Variants in CACNA2D1 observed in about 807,000 individuals in gnomAD.
CACNA2D1 encodes voltage-dependent calcium channel subunit alpha-2/delta-1.
In CACNA2D1, 53 loss-of-function variants were observed where a neutral mutation model predicts 171.5. The observed-to-expected ratio is 0.31, with a 90% CI of 0.25 to 0.39. The LOEUF is 0.39. Ranked by LOEUF, CACNA2D1 falls within the 10% of genes least tolerant of loss-of-function variation. CACNA2D1 has a pLI of 1.00. For synonymous variants in CACNA2D1, 442 were observed against 443.1 expected (o/e 1.00, Z 0.03); for missense variants, 903 against 1,299.8 (o/e 0.69, Z 4.69).
At chr7:82,301,628 C>G (rs539857965) in intron 3 of CACNA2D1, among the ~76,000 whole-genome samples, 1 of 151,588 alleles carries the variant, frequency 6.6e-6, no homozygotes, top group African/African-American at 2.4e-5. Context: ...AAATTTGATA[C>G]CTAATTTTCA....
chr7:82,045,159 C>A (rs1334338460), intron 10 of CACNA2D1, among the ~76,000 whole-genome samples: 1 of 152,076 alleles, frequency 6.6e-6, no homozygotes, highest in African/African-American at 2.4e-5. Context: ...TACCAAATTA[C>A]TTTCCAAAAA....
chr7:82,170,543 T>C lies in CACNA2D1; in HGVS notation c.354+7A>G. The C allele has an allele frequency of 1.9e-6, 3 of 1,609,594 alleles. No individual in the cohort carries two copies. The highest frequency in any genetic ancestry group is 1.1e-5 in the South Asian group (1 of 90,996). On this transcript the variant is annotated splice_region_variant and intron_variant, in intron 4 of 38. Coordinates refer to ENST00000356860, the MANE Select transcript of CACNA2D1 (RefSeq NM_000722.4). ...ATTTAAATCAAGTAGTTAAAAGGGG[T>C]TCTTACTGCAAAATCTTCTCTCCAC... is the stretch of plus-strand genomic sequence containing the variant.
At chr7:81,989,284 TC>T (rs930894701) in intron 21 of CACNA2D1, among the ~76,000 whole-genome samples, 1 of 152,170 alleles carries the variant, frequency 6.6e-6, no homozygotes, top group Non-Finnish European at 1.5e-5. Flanking sequence ...GTGCCAGACT[TC>T]GGGTGTCAGA....
At position 82,109,707 on chromosome 7, in the gene CACNA2D1, G is replaced by T. The variant is rs544078268; in HGVS notation, c.526+7337C>A. Among the ~76,000 whole-genome samples, 328 of 152,284 alleles carry T rather than the reference G, an allele frequency of 2.2e-3. 4 individuals carry two copies. Among genetic ancestry groups the T allele is most frequent in the South Asian group, 0.019 (92 of 4,826 alleles). Reference sequence around the variant, plus strand: ...ATATTTTGAGTTAGTGAGAAAAATTGTTCTGTTTTATTCATCTTAACTTTG... The same window carrying T: ...ATATTTTGAGTTAGTGAGAAAAATTTTTCTGTTTTATTCATCTTAACTTTG... On this transcript the variant is annotated intron_variant, in intron 6 of 38. Transcript: ENST00000356860.
In CACNA2D1 at chr7:82,060,201, T is replaced by TAATATATATATAA. The variant is rs747843223; in HGVS notation, c.879+226_879+227insTTATATATATATT. On this transcript the variant is annotated intron_variant, in intron 10 of 38. Transcript: ENST00000356860. ...ATAATATATATATATTATATATATA[T>TAATATATATATAA]TATATATATAATATATATATAATAT... Among the ~76,000 whole-genome samples, 62 of 10,416 alleles carry TAATATATATATAA rather than the reference T, an allele frequency of 6.0e-3. 3 individuals are homozygous for TAATATATATATAA. The highest frequency in any genetic ancestry group is 0.011 in the African/African-American group (59 of 5,534). The allele number at this position is 10,416 out of a possible 152,430, so 6.8% of individuals were successfully genotyped here.
chr7:82,153,628 A>G (rs1255262523), intron 4 of CACNA2D1, among the ~76,000 whole-genome samples: 2 of 152,106 alleles, frequency 1.3e-5, no homozygotes, highest in Non-Finnish European at 2.9e-5. Context: ...CATGACTACG[A>G]ATTCCAATGC....
intron 3 of CACNA2D1, among the ~76,000 whole-genome samples, chr7:82,174,424 AG>A (rs1235156339): frequency 6.6e-6 from 1 of 152,116 alleles, no homozygotes; most frequent in African/African-American, 2.4e-5. Context: ...ATTTATAAAA[AG>A]TAATAGATGT....
intron 12 of CACNA2D1, among the ~76,000 whole-genome samples, chr7:82,019,329 A>T (rs985130390): frequency 5.3e-5 from 8 of 152,190 alleles, no homozygotes; most frequent in African/African-American, 1.9e-4. Flanking sequence ...AAAACAAAAA[A>T]CAAAAAACAA....
At chr7:82,402,957 G>A (rs1405017942) in intron 1 of CACNA2D1, among the ~76,000 whole-genome samples, 1 of 151,986 alleles carries the variant, frequency 6.6e-6, no homozygotes, top group Non-Finnish European at 1.5e-5. Context: ...TGTGGCAAAG[G>A]CTTGACCTTA....
rs1051154537 is a variant in CACNA2D1 at position 82,145,300 on chromosome 7, A to G, written c.355-8624T>C. On this transcript the variant is annotated intron_variant, in intron 4 of 38. Transcript: ENST00000356860. Reference sequence around the variant, plus strand: ...ATAAAATAAAAAATAAAAATATATAAATTATGTAAAATATAAATTATATAT... The same window carrying G: ...ATAAAATAAAAAATAAAAATATATAGATTATGTAAAATATAAATTATATAT... Among the ~76,000 whole-genome samples the G allele has an allele frequency of 2.1e-5, 3 of 145,302 alleles. No individual in the cohort carries two copies. The South Asian group carries it at 6.3e-4, about 31-fold the overall frequency.
At chr7:82,290,251 T>C (rs1009670955) in intron 3 of CACNA2D1, among the ~76,000 whole-genome samples, 4 of 152,154 alleles carry the variant, frequency 2.6e-5, no homozygotes, top group African/African-American at 4.8e-5. Flanking sequence ...ATCAAAAGGA[T>C]GCCTCAAATA....
chr7:82,423,099 G>A (rs1204910490), intron 1 of CACNA2D1, among the ~76,000 whole-genome samples: 1 of 151,998 alleles, frequency 6.6e-6, no homozygotes, highest in Non-Finnish European at 1.5e-5. Context: ...TCAATACAGG[G>A]AGAATTATTT....
chr7:82,006,795 C>A (rs1799166064), intron 16 of CACNA2D1, among the ~76,000 whole-genome samples: 1 of 151,890 alleles, frequency 6.6e-6, no homozygotes, highest in Non-Finnish European at 1.5e-5. Flanking sequence ...AATAGGCCCC[C>A]AAAGAGAAAT....
chr7:82,223,791 A>G (rs1013345273), intron 3 of CACNA2D1, among the ~76,000 whole-genome samples: 1 of 152,194 alleles, frequency 6.6e-6, no homozygotes, highest in African/African-American at 2.4e-5. Context: ...CAAAGGAGCC[A>G]TAATGATGCT....
At chr7:82,121,861 G>T (rs991955783) in intron 5 of CACNA2D1, among the ~76,000 whole-genome samples, 1 of 152,040 alleles carries the variant, frequency 6.6e-6, no homozygotes, top group Non-Finnish European at 1.5e-5. Context: ...TAAAAATATT[G>T]TAACTCCTTA....
intron 3 of CACNA2D1, among the ~76,000 whole-genome samples, chr7:82,310,581 T>A (rs1281934740): frequency 6.6e-6 from 1 of 152,014 alleles, no homozygotes; most frequent in Non-Finnish European, 1.5e-5. Context: ...TTCTTTTGAA[T>A]AAGATTTTCA....
intron 21 of CACNA2D1, among the ~76,000 whole-genome samples, chr7:81,985,761 T>C (rs1158164430): frequency 6.6e-6 from 1 of 152,206 alleles, no homozygotes; most frequent in Non-Finnish European, 1.5e-5. Context: ...GAAATGTGTC[T>C]TGAGTTTTGT....
intron 7 of CACNA2D1, among the ~76,000 whole-genome samples, chr7:82,069,261 GCA>G (rs772868958): frequency 7.2e-5 from 11 of 152,100 alleles, no homozygotes; most frequent in Non-Finnish European, 1.6e-4. Context: ...TCATAACCAT[GCA>G]CAGTGAAAGC....
intron 1 of CACNA2D1, among the ~76,000 whole-genome samples, chr7:82,386,999 T>G (rs1824483380): frequency 2.0e-5 from 3 of 152,034 alleles, no homozygotes; most frequent in Admixed American, 2.0e-4. Flanking sequence ...GTATATAGTA[T>G]AAAGTGGTGG....
Sources: gnomAD v4.1 joint callset for allele counts (sites outside exome capture counted in the v4.1 genomes callset) on GRCh38, gnomAD v4.1.1 for gene constraint, MANE v1.5 for transcripts, NCBI Gene and HGNC (gene_info 2026-07-23, HGNC 2026-07-21) for gene names.